The following ZNF385B variants were observed in gnomAD, a reference collection of about 807,000 sequenced individuals.
The protein encoded by ZNF385B is zinc finger protein 533.
A neutral mutation model predicts 39.2 loss-of-function variants in ZNF385B; 23 were observed. The ratio of observed to expected loss-of-function variants is 0.59; its 90% CI spans 0.42 to 0.83. The LOEUF (loss-of-function observed/expected upper bound fraction) is 0.83. ZNF385B is among the 40% of genes least tolerant of loss of function. The pLI is 0.00. For missense variants in ZNF385B, 552 were observed against 598.9 expected (o/e 0.92, Z 0.82); for synonymous variants, 205 against 222.6 (o/e 0.92, Z 0.70).
chr2:179,620,475 C>T (rs1690119136), intron 3 of ZNF385B, among the ~76,000 whole-genome samples: 1 of 151,828 alleles, frequency 6.6e-6, no homozygotes, highest in Non-Finnish European at 1.5e-5. Flanking sequence ...TACAGACCTT[C>T]TATAAACAGT....
chr2:179,780,568 A>C (rs955371999), intron 1 of ZNF385B, among the ~76,000 whole-genome samples: 10 of 152,178 alleles, frequency 6.6e-5, no homozygotes, highest in African/African-American at 2.2e-4. Flanking sequence ...GGTTCCCAAC[A>C]CATACCTGGA....
At chr2:179,653,095 A>C (rs1040888263) in intron 3 of ZNF385B, among the ~76,000 whole-genome samples, 2 of 152,192 alleles carry the variant, frequency 1.3e-5, no homozygotes, top group South Asian at 2.1e-4. Flanking sequence ...AAATGCATAG[A>C]AGAACGAAAA....
At chr2:179,806,428 G>T (rs945888509) in intron 1 of ZNF385B, among the ~76,000 whole-genome samples, 1 of 152,148 alleles carries the variant, frequency 6.6e-6, no homozygotes, top group Non-Finnish European at 1.5e-5. Context: ...GGAGAAGTTG[G>T]TGAGGCATGG....
intron 6 of ZNF385B, among the ~76,000 whole-genome samples, chr2:179,447,468 T>A (rs2049618866): frequency 6.6e-6 from 1 of 152,190 alleles, no homozygotes; most frequent in South Asian, 2.1e-4. Context: ...AGTTTGATCA[T>A]GTAGCTATTA....
chr2:179,745,576 G>C (rs1702329941), intron 3 of ZNF385B: 1 of 680,898 alleles, frequency 1.5e-6, no homozygotes, highest in South Asian at 5.1e-5. Flanking sequence ...TTGCTCTTCA[G>C]CTTTGCTCCT....
At chr2:179,823,539 A>G (rs1303551027) in intron 1 of ZNF385B, among the ~76,000 whole-genome samples, 4 of 151,960 alleles carry the variant, frequency 2.6e-5, no homozygotes. Flanking sequence ...AGTTCTGTTT[A>G]TTGGTATTAC....
chr2:179,663,358 C>T (rs1026225243), intron 3 of ZNF385B, among the ~76,000 whole-genome samples: 1 of 152,102 alleles, frequency 6.6e-6, no homozygotes, highest in Admixed American at 6.5e-5. Context: ...AACCATTCAC[C>T]TACTAGCACT....
intron 6 of ZNF385B, among the ~76,000 whole-genome samples, chr2:179,463,288 T>C (rs1269922050): frequency 6.6e-6 from 1 of 152,106 alleles, no homozygotes; most frequent in Admixed American, 6.6e-5. Flanking sequence ...ATTTCTTCCA[T>C]CTGCACCCAT....
At chr2:179,682,987 C>T (rs547322983) in intron 3 of ZNF385B, among the ~76,000 whole-genome samples, 5 of 152,004 alleles carry the variant, frequency 3.3e-5, no homozygotes, top group South Asian at 2.1e-4. Context: ...GTTTTAATGA[C>T]GTAATATAAA....
At chr2:179,606,306 C>A (rs150650165) in intron 3 of ZNF385B, among the ~76,000 whole-genome samples, 5 of 152,254 alleles carry the variant, frequency 3.3e-5, no homozygotes, top group African/African-American at 1.2e-4. Context: ...ACCAACATCA[C>A]GTGCCGACAT....
chr2:179,671,085 G>C (rs11903667), intron 3 of ZNF385B, among the ~76,000 whole-genome samples: 19,164 of 152,222 alleles, frequency 0.13, 1,851 homozygotes, highest in African/African-American at 0.26. Flanking sequence ...GCAAATGCTT[G>C]GTGAATATTA....
intron 5 of ZNF385B, chr2:179,514,066 T>TA (rs917129041): frequency 6.6e-6 from 1 of 152,230 alleles, no homozygotes; most frequent in Non-Finnish European, 1.5e-5. Flanking sequence ...CTTAGTGGCT[T>TA]AAAAGCTTAT....
chr2:179,474,990 C>G (rs2053245347), intron 6 of ZNF385B, among the ~76,000 whole-genome samples: 1 of 152,118 alleles, frequency 6.6e-6, no homozygotes, highest in Non-Finnish European at 1.5e-5. Flanking sequence ...AAGAGGGGCT[C>G]AGAGAATTGA....
At chr2:179,540,648 T>G (rs2059864329) in intron 4 of ZNF385B, among the ~76,000 whole-genome samples, 1 of 152,164 alleles carries the variant, frequency 6.6e-6, no homozygotes, top group South Asian at 2.1e-4. Context: ...CCCTTTCCTC[T>G]CTTCCAAAAA....
At chr2:179,672,341 A>G (rs1207810933) in intron 3 of ZNF385B, among the ~76,000 whole-genome samples, 1 of 152,352 alleles carries the variant, frequency 6.6e-6, no homozygotes, top group African/African-American at 2.4e-5. Flanking sequence ...TTTGCCTCAG[A>G]ATAAATCATA....
intron 6 of ZNF385B, among the ~76,000 whole-genome samples, chr2:179,455,878 TCAAAA>T (rs1559251119): frequency 1.9e-5 from 1 of 51,548 alleles, no homozygotes. Flanking sequence ...AGACTGCATC[TCAAAA>T]AAAAAAAAAA....
chr2:179,576,914 C>T (rs577768314), intron 3 of ZNF385B, among the ~76,000 whole-genome samples: 4 of 152,184 alleles, frequency 2.6e-5, no homozygotes, highest in Admixed American at 6.5e-5. Context: ...CTGTTTGCCT[C>T]CTTGATCAAG....
chr2:179,715,186 T>G (rs1369217005), intron 3 of ZNF385B, among the ~76,000 whole-genome samples: 1 of 150,998 alleles, frequency 6.6e-6, no homozygotes, highest in African/African-American at 2.4e-5. Flanking sequence ...ATAACTTTTA[T>G]GTGATAACAG....
chr2:179,808,242 C>T lies in ZNF385B; in HGVS notation c.-154-37570G>A, dbSNP rs542043168. ...AGAGACGGGGTTTCACCGTGTTAGC[C>T]AGGATGGTCTCGATCTCCTGACCTT... On this transcript the variant is annotated intron_variant, in intron 1 of 9. Coordinates refer to ENST00000410066, the MANE Select transcript of ZNF385B (RefSeq NM_152520.6). 3.3e-5 allele frequency among the ~76,000 whole-genome samples: 5 copies of T among 152,226 alleles called. No homozygotes were observed. The East Asian group carries it at 9.8e-4, about 30-fold the overall frequency.
Sources: allele counts gnomAD v4.1 joint callset (sites outside exome capture counted in the v4.1 genomes callset), GRCh38; gene constraint gnomAD v4.1.1; transcripts MANE v1.5; gene names NCBI Gene and HGNC (gene_info 2026-07-23, HGNC 2026-07-21).